Variants in CDHR3 observed in about 807,000 individuals in gnomAD.
The protein encoded by CDHR3 is cadherin-related family member 3.
In CDHR3, 79 loss-of-function variants were observed where a neutral mutation model predicts 86.6. That is an observed-to-expected ratio of 0.91 (90% confidence interval 0.76 to 1.10). CDHR3 has a LOEUF of 1.10. CDHR3 is among the 50% of genes least tolerant of loss of function. CDHR3 has a pLI of 0.00. For missense variants in CDHR3, 1,081 were observed against 1,077.6 expected, an observed-to-expected ratio of 1.00 and a Z score of -0.04; for synonymous variants, 421 against 402.4, an observed-to-expected ratio of 1.05 and a Z score of -0.55.
intron 1 of CDHR3, among the ~76,000 whole-genome samples, chr7:105,971,891 C>G (rs1828031204): frequency 1.3e-5 from 2 of 152,318 alleles, no homozygotes; most frequent in South Asian, 2.1e-4. Flanking sequence ...CAAGATCTAA[C>G]ATCCAGGTTA....
chr7:106,032,782 G>C lies in CDHR3; in HGVS notation c.*85G>C, dbSNP rs1366617367. ...GGGATGGTGTGGGCATGGTGTAGGG[G>C]GGAAAATGTGGGCTGAGGGGATTCA... On this transcript the variant is annotated 3_prime_UTR_variant, in exon 19 of 19. Transcript: ENST00000317716. 7.3e-7 allele frequency: 1 copy of C among 1,370,126 alleles called. No individual in the cohort carries two copies. The highest frequency in any genetic ancestry group is 9.8e-7 in the Non-Finnish European group (1 of 1,018,150). The allele number at this position is 1,370,126 out of a possible 1,614,324, so 84.9% of individuals were successfully genotyped here.
At position 106,032,781 on chromosome 7, in the gene CDHR3, G is replaced by C; in HGVS notation, c.*84G>C. 7.1e-7 allele frequency: 1 copy of C among 1,404,656 alleles called. No homozygotes were observed. The highest frequency in any genetic ancestry group is 1.4e-5 in the South Asian group (1 of 68,982). The allele number at this position is 1,404,656 out of a possible 1,614,324, so 87.0% of individuals were successfully genotyped here. On this transcript the variant is annotated 3_prime_UTR_variant, in exon 19 of 19. Transcript: ENST00000317716. Reference sequence around the variant, plus strand: ...GGGGATGGTGTGGGCATGGTGTAGGGGGGAAAATGTGGGCTGAGGGGATTC... The same window carrying C: ...GGGGATGGTGTGGGCATGGTGTAGGCGGGAAAATGTGGGCTGAGGGGATTC...
Position 106,036,418 on chromosome 7 carries a change from CTG to C in CDHR3, c.*3724_*3725del, listed in dbSNP as rs1168750530. The C allele has an allele frequency of 3.9e-5, 6 of 152,158 alleles. No homozygotes were observed. The highest frequency in any genetic ancestry group is 1.4e-4 in the African/African-American group (6 of 41,424). 9.4% of individuals were successfully genotyped at this position (152,158 alleles called of 1,614,324 possible). A position where few individuals can be genotyped will look rare whatever the true frequency, so the allele number is the denominator to read the frequency against. ...TCCTTCGTATTCATTCAATAAATAT[CTG>C]TGGAGCAACTACCATGTGCCAAGCG... On this transcript the variant is annotated 3_prime_UTR_variant, in exon 19 of 19. Coordinates refer to ENST00000317716, the MANE Select transcript of CDHR3 (RefSeq NM_152750.5).
chr7:105,974,457 C>T (rs2115638187), intron 1 of CDHR3, among the ~76,000 whole-genome samples: 2 of 152,260 alleles, frequency 1.3e-5, no homozygotes, highest in African/African-American at 4.8e-5. Flanking sequence ...AGCTACAGGG[C>T]CCTGGCAAGA....
chr7:105,995,945 G>A (rs1371799661), intron 5 of CDHR3, among the ~76,000 whole-genome samples: 2 of 152,154 alleles, frequency 1.3e-5, no homozygotes, highest in Non-Finnish European at 2.9e-5. Flanking sequence ...GGAGTGATAT[G>A]CACTTTCCAG....
intron 15 of CDHR3, 129 bp downstream of exon 15, chr7:106,024,691 A>T: frequency 1.1e-6 from 1 of 913,494 alleles, no homozygotes; most frequent in South Asian, 1.8e-5. Context: ...TGAAGGCAGG[A>T]AAAGGAGATA....
chr7:105,980,403 T>C (rs1829460638), intron 2 of CDHR3, among the ~76,000 whole-genome samples: 3 of 146,884 alleles, frequency 2.0e-5, no homozygotes, highest in African/African-American at 4.8e-5. Flanking sequence ...ATACAAGTTA[T>C]GGTTCTATTT....
chr7:106,017,807 T>G, intron 11 of CDHR3, 39 bp from the exon 12 acceptor site: 1 of 1,508,680 alleles, frequency 6.6e-7, no homozygotes, highest in African/African-American at 1.4e-5. Flanking sequence ...TCTCTACCCC[T>G]TAAAAGCAGG....
intron 15 of CDHR3, among the ~76,000 whole-genome samples, chr7:106,025,355 TG>T (rs1242550934): frequency 1.3e-5 from 2 of 152,220 alleles, no homozygotes; most frequent in African/African-American, 2.4e-5. Flanking sequence ...TTTGAGCAAG[TG>T]ACCACCTCTG....
At chr7:105,994,312 G>A (rs1053126552) in intron 4 of CDHR3, among the ~76,000 whole-genome samples, 18 of 151,966 alleles carry the variant, frequency 1.2e-4, no homozygotes, top group Non-Finnish European at 1.0e-4. Flanking sequence ...TATTAAATAG[G>A]TAATAGGTAT....
chr7:106,005,446 G>C (rs1006309225), intron 8 of CDHR3, among the ~76,000 whole-genome samples: 3 of 152,216 alleles, frequency 2.0e-5, no homozygotes, highest in African/African-American at 7.2e-5. Context: ...TTTTGTTCCA[G>C]CCAGTCTCTG....
intron 4 of CDHR3, 21 bp from the exon 5 acceptor site, chr7:105,994,730 T>G: frequency 6.4e-7 from 1 of 1,565,936 alleles, no homozygotes; most frequent in South Asian, 1.1e-5. Flanking sequence ...ATTTCATCAA[T>G]TTTTTTCCCT....
At chr7:106,019,088 G>C (rs545775264) in intron 12 of CDHR3, among the ~76,000 whole-genome samples, 1 of 152,160 alleles carries the variant, frequency 6.6e-6, no homozygotes, top group Non-Finnish European at 1.5e-5. Context: ...AAGCGTGAAG[G>C]CAAAATGAAC....
intron 4 of CDHR3, among the ~76,000 whole-genome samples, chr7:105,993,995 G>A (rs2528883): frequency 0.32 from 47,942 of 152,154 alleles, 7,732 homozygotes; most frequent in East Asian, 0.38. Context: ...CTTATGCCAC[G>A]TGCCAGGGAT....
rs1238947573 is a variant in CDHR3, at chr7:106,034,692, C to G, written c.*1995C>G. Among the ~76,000 whole-genome samples, 1 of 152,208 alleles carries G rather than the reference C, an allele frequency of 6.6e-6. No homozygotes were observed. The highest frequency in any genetic ancestry group is 1.5e-5 in the Non-Finnish European group (1 of 68,040). On this transcript the variant is annotated 3_prime_UTR_variant, in exon 19 of 19. Transcript: ENST00000317716. ...AATCTGTGGGGCCCGGAGTCAAATG[C>G]TTTCCTTGGAAGCTCTCAGCTTCAA...
At chr7:105,965,345 G>T (rs1371761077) in intron 1 of CDHR3, among the ~76,000 whole-genome samples, 2 of 152,062 alleles carry the variant, frequency 1.3e-5, no homozygotes, top group Non-Finnish European at 2.9e-5. Flanking sequence ...ATGAAGACGG[G>T]TGCCTATAAT....
At chr7:105,997,960 G>A (rs1275376889) in intron 6 of CDHR3, among the ~76,000 whole-genome samples, 2 of 151,470 alleles carry the variant, frequency 1.3e-5, no homozygotes, top group Non-Finnish European at 2.9e-5. Flanking sequence ...TTTTAAGTCA[G>A]TCGACTTTAT....
Position 106,030,947 on chromosome 7 carries a change from G to C in CDHR3, c.2353+107G>C. The C allele has an allele frequency of 4.6e-6, 5 of 1,081,758 alleles. No homozygotes were observed. In the South Asian group the frequency reaches 7.0e-5, roughly 15 times the overall value. 67.0% of individuals were successfully genotyped at this position (1,081,758 alleles called of 1,614,324 possible). Reference sequence around the variant, plus strand: ...TGCTTTTAGCTCATTTTGTCAATCCGTTTGGCTATGTTGCCTATATAGTGC... The same window carrying C: ...TGCTTTTAGCTCATTTTGTCAATCCCTTTGGCTATGTTGCCTATATAGTGC... On this transcript the variant is annotated intron_variant, in intron 18 of 18. Coordinates refer to ENST00000317716, the MANE Select transcript of CDHR3 (RefSeq NM_152750.5). This position sits in a 1 kb window ranked among gnomAD's most constrained non-coding sequence, Gnocchi z 4.8.
At chr7:106,018,112 G>A in intron 12 of CDHR3, 40 bp downstream of exon 12, 1 of 1,545,442 alleles carries the variant, frequency 6.5e-7, no homozygotes, top group Non-Finnish European at 8.9e-7. Context: ...TAACCCAACT[G>A]GTTGACTTAG....
Sources: gnomAD v4.1 joint callset for allele counts (sites outside exome capture counted in the v4.1 genomes callset) on GRCh38, gnomAD v4.1.1 for gene constraint, Gnocchi (gnomAD v3.1) non-coding constraint, MANE v1.5 for transcripts, NCBI Gene and HGNC (gene_info 2026-07-23, HGNC 2026-07-21) for gene names.